Variants in REXO5 observed in about 807,000 individuals in gnomAD.
REXO5 encodes the protein exonuclease NEF-sp.
A neutral mutation model predicts 88.5 loss-of-function variants in REXO5; 48 were observed. The observed-to-expected ratio is 0.54, with a 90% CI of 0.43 to 0.69. The LOEUF (loss-of-function observed/expected upper bound fraction) is 0.69. REXO5 is among the 30% of genes least tolerant of loss of function. REXO5 has a pLI of 0.00. For missense variants in REXO5, 749 were observed against 912.2 expected, an observed-to-expected ratio of 0.82 and a Z score of 2.30; for synonymous variants, 311 against 336.5, an observed-to-expected ratio of 0.92 and a Z score of 0.83.
At position 20,833,795 on chromosome 16, in the gene REXO5, T is replaced by C. The variant is rs148010998; in HGVS notation, c.1383+672T>C. 2.3e-4 allele frequency among the ~76,000 whole-genome samples: 35 copies of C among 152,354 alleles called. No individual in the cohort carries two copies. In the East Asian group the frequency reaches 5.2e-3, roughly 23 times the overall value. On this transcript the variant is annotated intron_variant, in intron 13 of 19. Coordinates refer to ENST00000261377, the MANE Select transcript of REXO5 (RefSeq NM_030941.3). ...CCTAAACACTTCAGAGTGTATTTCA[T>C]GAGAATAAAAATATTATTTTATATA... is the stretch of plus-strand genomic sequence containing the variant.
In REXO5 at chr16:20,837,011, T is replaced by C. The variant is rs376928887; in HGVS notation, c.1384-2744T>C. Among the ~76,000 whole-genome samples, 22 of 152,350 alleles carry C rather than the reference T, an allele frequency of 1.4e-4. No individual in the cohort carries two copies. In the South Asian group the frequency reaches 4.3e-3, roughly 30 times the overall value. On this transcript the variant is annotated intron_variant, in intron 13 of 19. Coordinates refer to ENST00000261377, the MANE Select transcript of REXO5 (RefSeq NM_030941.3). ...TGGTGAGTTTTAATAGTTCTTTGTA[T>C]ATTTGGGTAAGAGTCCTTTAACAGA...
upstream of REXO5, chr16:20,806,454 A>C (rs2080875904): frequency 1.9e-6 from 3 of 1,552,004 alleles, no homozygotes; most frequent in Non-Finnish European, 1.7e-6. Context: ...TGCTTTTCCA[A>C]GTCCAGCTGC....
chr16:20,840,233 C>A, intron 14 of REXO5, 98 bp from the exon 15 acceptor site: 1 of 1,088,418 alleles, frequency 9.2e-7, no homozygotes, highest in Non-Finnish European at 1.3e-6. Flanking sequence ...GTATTTATAT[C>A]AAAAAAATCT....
intron 15 of REXO5, among the ~76,000 whole-genome samples, chr16:20,842,529 C>G (rs1179972194): frequency 6.9e-6 from 1 of 144,344 alleles, no homozygotes; most frequent in African/African-American, 2.6e-5. Context: ...GGCTGGAGTT[C>G]AGTGGCGTGA....
chr16:20,821,626 A>C, intron 5 of REXO5, 136 bp from the exon 6 acceptor site: 7 of 689,420 alleles, frequency 1.0e-5, no homozygotes, highest in Non-Finnish European at 1.5e-5. Context: ...ATAGATTGCA[A>C]GCCCCTAAAT....
rs2081582520 is a variant in REXO5, at chr16:20,844,826, G to A, written c.1917G>A (p.Gln639=). The change falls in exon 17 of 20, where the codon CAG becomes CAA. Residue 639 remains glutamine, a synonymous_variant. Coordinates refer to ENST00000261377, the MANE Select transcript of REXO5 (RefSeq NM_030941.3). The part of the protein sequence containing the change: ...ILPKDLKSGK[Q]KKYCFLKFKS... ...CTAAAGATCTTAAAAGTGGAAAGCAGAAAAAATACTGTTTCCTGAGTAAGT... is the reference window on the plus strand; with the variant it reads ...CTAAAGATCTTAAAAGTGGAAAGCAAAAAAAATACTGTTTCCTGAGTAAGT... 1 of 1,613,774 alleles carries A rather than the reference G, an allele frequency of 6.2e-7. No individual in the cohort carries two copies. The highest frequency in any genetic ancestry group is 8.5e-7 in the Non-Finnish European group (1 of 1,179,926).
In REXO5 at chr16:20,813,255, AT is replaced by A; in HGVS notation, c.206del (p.Leu69CysfsTer2). On this transcript the variant is annotated frameshift_variant, in exon 3 of 20. Transcript: ENST00000261377. LOFTEE classifies it high-confidence loss of function. ...AAGTAACCCATGACCAGCTGTGTGAATTGCTGAAGTATGCAGTTCTGGGCAA... is the reference window on the plus strand; with the variant it reads ...AAGTAACCCATGACCAGCTGTGTGAATGCTGAAGTATGCAGTTCTGGGCAA... ...CEVTHDQLCE[L>X]LKYAVLGKSN... is the part of the protein sequence containing the mutation. 2 of 1,613,870 alleles carry A rather than the reference AT, an allele frequency of 1.2e-6. No homozygotes were observed. Among genetic ancestry groups the A allele is most frequent in the South Asian group, 2.2e-5 (2 of 91,072 alleles).
At chr16:20,848,288 G>A (rs2081641957) in intron 19 of REXO5, among the ~76,000 whole-genome samples, 1 of 152,148 alleles carries the variant, frequency 6.6e-6, no homozygotes, top group Admixed American at 6.5e-5. Context: ...TCCTTAGGCT[G>A]GGGTCTTGAT....
intron 15 of REXO5, among the ~76,000 whole-genome samples, chr16:20,841,330 A>G (rs1376611198): frequency 6.6e-6 from 1 of 152,228 alleles, no homozygotes; most frequent in Admixed American, 6.5e-5. Context: ...CATGGAAGAA[A>G]TCATGAAAAG....
At chr16:20,828,399 T>A in intron 10 of REXO5, 36 bp from the exon 11 acceptor site, 1 of 1,288,432 alleles carries the variant, frequency 7.8e-7, no homozygotes, top group South Asian at 1.2e-5. Flanking sequence ...TCATTAAAAG[T>A]GCTTCCAGTA....
chr16:20,816,748 A>G (rs928743616), intron 5 of REXO5, among the ~76,000 whole-genome samples: 2 of 152,222 alleles, frequency 1.3e-5, no homozygotes, highest in Non-Finnish European at 2.9e-5. Flanking sequence ...TAGATAGCTA[A>G]GGATACCTGG....
chr16:20,844,128 G>T (rs567608182), intron 16 of REXO5, 102 bp downstream of exon 16: 1 of 690,534 alleles, frequency 1.4e-6, no homozygotes, highest in Non-Finnish European at 2.5e-6. Context: ...AGAGGCCCAC[G>T]CACAAGACTT....
At chr16:20,834,978 ATTC>A (rs1287817955) in intron 13 of REXO5, among the ~76,000 whole-genome samples, 2 of 152,176 alleles carry the variant, frequency 1.3e-5, no homozygotes, top group South Asian at 2.1e-4. Context: ...GACTATATTC[ATTC>A]TTCTTTGCAG....
At chr16:20,825,807 A>C in intron 7 of REXO5, 26 bp from the exon 8 acceptor site, 1 of 1,508,028 alleles carries the variant, frequency 6.6e-7, no homozygotes, top group Non-Finnish European at 9.2e-7. Flanking sequence ...ACAGTTCAGC[A>C]GCCTGACTAC....
intron 2 of REXO5, among the ~76,000 whole-genome samples, chr16:20,810,577 A>G (rs899612659): frequency 3.9e-5 from 6 of 151,940 alleles, no homozygotes; most frequent in African/African-American, 1.4e-4. Flanking sequence ...ATTTTTGTAC[A>G]TTTAGTGGAG....
At position 20,821,810 on chromosome 16, in the gene REXO5, C is replaced by T; in HGVS notation, c.524C>T (p.Pro175Leu). 1 of 1,607,056 alleles carries T rather than the reference C, an allele frequency of 6.2e-7. No individual in the cohort carries two copies. Among genetic ancestry groups the T allele is most frequent in the Non-Finnish European group, 8.5e-7 (1 of 1,178,026 alleles). ...AKAAINLQDD[P>L]IIQKYGSKKV... ...GCCGCCATCAACCTTCAGGATGATC[C>T]CATCATTCAAAAGTATGGCTCTAAG... Residue 175 changes from proline to leucine, a missense_variant, in exon 6 of 20, where the codon CCC becomes CTC. Physicochemically the swap from Pro to Leu is moderately conservative, Grantham distance 98. Coordinates refer to ENST00000261377, the MANE Select transcript of REXO5 (RefSeq NM_030941.3).
At chr16:20,842,028 T>C (rs2081535750) in intron 15 of REXO5, among the ~76,000 whole-genome samples, 1 of 152,232 alleles carries the variant, frequency 6.6e-6, no homozygotes, top group Admixed American at 6.5e-5. Context: ...GGCCCCTTTT[T>C]TTGGTTGCGG....
Position 20,845,058 on chromosome 16 carries a change from CAA to C in REXO5, c.1944_1945del (p.Ser649PhefsTer39). ...KQKKYCFLKF[K>X]SFGSAQQALN... ...GGTGGGGGTTCTTGCTTTCAGAATT[CAA>C]AAGTTTTGGCAGTGCCCAGCAGGCC... On this transcript the variant is annotated frameshift_variant, in exon 18 of 20. Transcript: ENST00000261377. LOFTEE classifies it high-confidence loss of function. The C allele has an allele frequency of 6.2e-7, 1 of 1,612,150 alleles. No individual in the cohort carries two copies. The highest frequency in any genetic ancestry group is 1.1e-5 in the South Asian group (1 of 90,994).
At chr16:20,848,082 C>G (rs1173662342) in intron 19 of REXO5, among the ~76,000 whole-genome samples, 1 of 152,170 alleles carries the variant, frequency 6.6e-6, no homozygotes, top group Non-Finnish European at 1.5e-5. Context: ...TACTCCTATC[C>G]TTTAAAAGTC....
Sources: gnomAD v4.1 joint callset for allele counts (sites outside exome capture counted in the v4.1 genomes callset) on GRCh38, gnomAD v4.1.1 for gene constraint, MANE v1.5 for transcripts, NCBI Gene and HGNC (gene_info 2026-07-23, HGNC 2026-07-21) for gene names.